The following CHRM3 variants were observed in gnomAD, a reference collection of about 807,000 sequenced individuals.
CHRM3 encodes cholinergic receptor muscarinic 3.
CHRM3 carries 11 observed loss-of-function variants against 41.8 expected under a neutral mutation model. The ratio of observed to expected loss-of-function variants is 0.26; its 90% CI spans 0.17 to 0.44. The LOEUF (loss-of-function observed/expected upper bound fraction) is 0.44. Among genes scored for constraint, CHRM3 ranks in the 20% least tolerant of loss-of-function variants. The pLI is 1.00. For synonymous variants in CHRM3, 297 were observed against 301.4 expected, an observed-to-expected ratio of 0.99 and a Z score of 0.15; for missense variants, 571 against 745.4, an observed-to-expected ratio of 0.77 and a Z score of 2.72.
chr1:239,717,054 T>C (rs1412476346), intron 5 of CHRM3, among the ~76,000 whole-genome samples: 1 of 151,866 alleles, frequency 6.6e-6, no homozygotes, highest in Non-Finnish European at 1.5e-5. Context: ...AGTTTTTTTT[T>C]TTGCATGAAT....
At chr1:239,672,778 T>C (rs1674509938) in intron 4 of CHRM3, among the ~76,000 whole-genome samples, 1 of 151,906 alleles carries the variant, frequency 6.6e-6, no homozygotes, top group African/African-American at 2.4e-5. Context: ...GGGGCAAGGG[T>C]TTGTGAATTT....
At chr1:239,598,231 A>G (rs1485506901) in intron 3 of CHRM3, among the ~76,000 whole-genome samples, 1 of 151,906 alleles carries the variant, frequency 6.6e-6, no homozygotes, top group Non-Finnish European at 1.5e-5. Context: ...TATTATTATT[A>G]TTGTTTAGAT....
At chr1:239,802,982 A>AG (rs1299159509) in intron 5 of CHRM3, among the ~76,000 whole-genome samples, 1 of 152,222 alleles carries the variant, frequency 6.6e-6, no homozygotes. Context: ...CTCTTCTAGT[A>AG]AAGCCTAAAA....
At chr1:239,398,950 TAAGAAAA>T (rs1413296470) in intron 1 of CHRM3, among the ~76,000 whole-genome samples, 1 of 151,634 alleles carries the variant, frequency 6.6e-6, no homozygotes, top group Non-Finnish European at 1.5e-5. Context: ...TATATTAAGG[TAAGAAAA>T]AAGAAAAAGA....
intron 4 of CHRM3, among the ~76,000 whole-genome samples, chr1:239,652,152 C>T (rs567842505): frequency 1.1e-4 from 16 of 152,208 alleles, no homozygotes; most frequent in Admixed American, 7.9e-4. Flanking sequence ...TCCACTGAGC[C>T]GGTGTATACC....
chr1:239,465,274 T>C (rs1334920910), intron 1 of CHRM3, among the ~76,000 whole-genome samples: 1 of 152,130 alleles, frequency 6.6e-6, no homozygotes, highest in African/African-American at 2.4e-5. Flanking sequence ...CAAGGAGAAC[T>C]TTCTGGGCTT....
intron 5 of CHRM3, among the ~76,000 whole-genome samples, chr1:239,809,617 C>T (rs753639043): frequency 3.4e-4 from 52 of 152,124 alleles, no homozygotes; most frequent in Non-Finnish European, 5.4e-4. Context: ...CCCACTTCAG[C>T]CACCCAAGTA....
chr1:239,619,881 A>G (rs1668167881), intron 3 of CHRM3, among the ~76,000 whole-genome samples: 1 of 152,108 alleles, frequency 6.6e-6, no homozygotes, highest in African/African-American at 2.4e-5. Context: ...CTATAATTAT[A>G]AGTCACCTGA....
chr1:239,529,203 C>T (rs748804133), intron 2 of CHRM3, among the ~76,000 whole-genome samples: 1 of 152,146 alleles, frequency 6.6e-6, no homozygotes, highest in Non-Finnish European at 1.5e-5. Context: ...CACCATAGCA[C>T]GTCTTAAGTT....
At chr1:239,467,181 C>A (rs1411596382) in intron 1 of CHRM3, among the ~76,000 whole-genome samples, 2 of 152,160 alleles carry the variant, frequency 1.3e-5, no homozygotes, top group African/African-American at 4.8e-5. Flanking sequence ...GGACTTCAAA[C>A]AAACCATGTA....
At chr1:239,898,846 A>T (rs1679233672) in intron 6 of CHRM3, among the ~76,000 whole-genome samples, 1 of 152,152 alleles carries the variant, frequency 6.6e-6, no homozygotes, top group Admixed American at 6.5e-5. Flanking sequence ...ACATTTTTAA[A>T]TTTTTTAAAT....
intron 5 of CHRM3, among the ~76,000 whole-genome samples, chr1:239,806,480 A>G (rs1287524391): frequency 6.6e-6 from 1 of 151,910 alleles, no homozygotes; most frequent in South Asian, 2.1e-4. Context: ...TGTTGAATCT[A>G]TTGGGAGCAG....
At chr1:239,859,419 G>GTTTTTTTTTTTGTT (rs1675404077) in intron 6 of CHRM3, among the ~76,000 whole-genome samples, 1 of 97,490 alleles carries the variant, frequency 1.0e-5, no homozygotes, top group Non-Finnish European at 2.1e-5. Context: ...TGTTGTTGTT[G>GTTTTTTTTTTTGTT]TTTTTTTTTT....
intron 5 of CHRM3, among the ~76,000 whole-genome samples, chr1:239,770,632 G>C (rs190468796): frequency 1.3e-5 from 2 of 152,270 alleles, no homozygotes; most frequent in East Asian, 3.9e-4. Flanking sequence ...GAATGACCAG[G>C]AAAGGTTTTC....
intron 5 of CHRM3, among the ~76,000 whole-genome samples, chr1:239,800,977 A>G (rs979451030): frequency 6.6e-6 from 1 of 151,912 alleles, no homozygotes; most frequent in East Asian, 1.9e-4. Context: ...TGCATTTCTT[A>G]TTTTCTCTTA....
chr1:239,716,366 T>C (rs1161342393), intron 5 of CHRM3, among the ~76,000 whole-genome samples: 51 of 152,050 alleles, frequency 3.4e-4, no homozygotes, highest in Admixed American at 3.3e-3. Flanking sequence ...GTCTCCATGA[T>C]TGTGACTGGC....
chr1:239,870,897 G>T (rs752250248), intron 6 of CHRM3, among the ~76,000 whole-genome samples: 5 of 152,082 alleles, frequency 3.3e-5, no homozygotes, highest in Non-Finnish European at 7.3e-5. Context: ...CTGAAAGCCA[G>T]ATTCACTTCA....
At chr1:239,697,862 C>A (rs1226911171) in intron 5 of CHRM3, among the ~76,000 whole-genome samples, 2 of 152,130 alleles carry the variant, frequency 1.3e-5, no homozygotes, top group Admixed American at 6.5e-5. Context: ...ACATAGAAAC[C>A]ACCTTCCAGT....
At chr1:239,732,052 C>A (rs1664011288) in intron 5 of CHRM3, among the ~76,000 whole-genome samples, 1 of 151,968 alleles carries the variant, frequency 6.6e-6, no homozygotes. Flanking sequence ...AATGCCCAGC[C>A]CCATACCTAT....
Sources: gnomAD v4.1 joint callset for allele counts (sites outside exome capture counted in the v4.1 genomes callset) on GRCh38, gnomAD v4.1.1 for gene constraint, MANE v1.5 for transcripts, NCBI Gene and HGNC (gene_info 2026-07-23, HGNC 2026-07-21) for gene names.